ZRANB3: variants seen among roughly 807,000 people sequenced by gnomAD.
ZRANB3 encodes zinc finger RANBP2-type containing 3.
In ZRANB3, 125 loss-of-function variants were observed where a neutral mutation model predicts 133.8. The ratio of observed to expected loss-of-function variants is 0.93; its 90% CI spans 0.81 to 1.08. The LOEUF (loss-of-function observed/expected upper bound fraction) is 1.08, where lower values mean the gene tolerates loss of function less well. Ranked by LOEUF, ZRANB3 falls within the 50% of genes least tolerant of loss-of-function variation. The pLI is 0.00. For synonymous variants in ZRANB3, 387 were observed against 432.7 expected, an observed-to-expected ratio of 0.89 and a Z score of 1.31; for missense variants, 1,229 against 1,275.5, an observed-to-expected ratio of 0.96 and a Z score of 0.56.
rs760589246 is a variant in ZRANB3, at chr2:135,269,041, T to G, written c.1307A>C (p.Gln436Pro). The change falls in exon 11 of 21, where the codon CAG (glutamine) becomes CCG (proline). Residue 436 changes from glutamine to proline, a missense_variant. By Grantham distance (76) the Gln-to-Pro change is moderately conservative. Coordinates refer to ENST00000264159, the MANE Select transcript of ZRANB3 (RefSeq NM_032143.4). Reference protein sequence around the residue: ...QAEDRAHRIGQCSSVNIHYLI... With the variant: ...QAEDRAHRIGPCSSVNIHYLI... ...GTAGTGAATATTCACAGAACTGCACTGGCCAATTCTGTGAGCTCGGTCTTC... is the reference window on the plus strand; with the variant it reads ...GTAGTGAATATTCACAGAACTGCACGGGCCAATTCTGTGAGCTCGGTCTTC... The G allele has an allele frequency of 6.2e-7, 1 of 1,613,282 alleles. No homozygotes were observed. The highest frequency in any genetic ancestry group is 8.5e-7 in the Non-Finnish European group (1 of 1,179,668).
intron 2 of ZRANB3, among the ~76,000 whole-genome samples, chr2:135,407,959 C>T (rs1182830892): frequency 6.7e-6 from 1 of 149,622 alleles, no homozygotes; most frequent in Non-Finnish European, 1.5e-5. Flanking sequence ...GCAACAAAAG[C>T]CAAAATTGTC....
intron 2 of ZRANB3, among the ~76,000 whole-genome samples, chr2:135,500,267 T>C (rs1299540300): frequency 6.6e-6 from 1 of 152,160 alleles, no homozygotes; most frequent in Non-Finnish European, 1.5e-5. Flanking sequence ...GACCTAACAA[T>C]TCTTCTTGGT....
In ZRANB3 at chr2:135,420,091, T is replaced by TTATATATATATATATA. The variant is rs201217358; in HGVS notation, c.162-29287_162-29272dup. Among the ~76,000 whole-genome samples, 562 of 72,316 alleles carry TTATATATATATATATA rather than the reference T, an allele frequency of 7.8e-3. 10 individuals carry two copies. The highest frequency in any genetic ancestry group is 0.014 in the South Asian group (24 of 1,676). 47.4% of individuals were successfully genotyped at this position (72,316 alleles called of 152,430 possible). A position where few individuals can be genotyped will look rare whatever the true frequency, so the allele number is the denominator to read the frequency against. On this transcript the variant is annotated intron_variant, in intron 2 of 20. Coordinates refer to ENST00000264159, the MANE Select transcript of ZRANB3 (RefSeq NM_032143.4). ...TAAGATACATATATATATCTTAGAT[T>TTATATATATATATATA]TATATATATATATATATATATATAT...
chr2:135,489,764 CA>C (rs564471565), intron 2 of ZRANB3, among the ~76,000 whole-genome samples: 4 of 147,196 alleles, frequency 2.7e-5, no homozygotes, highest in Admixed American at 6.7e-5. Flanking sequence ...AGAATTTAAA[CA>C]AAAAAAAGGG....
intron 8 of ZRANB3, among the ~76,000 whole-genome samples, chr2:135,284,466 T>A (rs1681248007): frequency 6.6e-6 from 1 of 152,188 alleles, no homozygotes; most frequent in African/African-American, 2.4e-5. Context: ...TTTCCTTGTT[T>A]GTTTTGTTTG....
chr2:135,229,511 G>T (rs1260966197), intron 13 of ZRANB3, among the ~76,000 whole-genome samples: 1 of 151,614 alleles, frequency 6.6e-6, no homozygotes, highest in Non-Finnish European at 1.5e-5. Context: ...GGGACTACAG[G>T]CGCCCGCTAC....
chr2:135,211,046 AAAAAT>A (rs1427042121), intron 17 of ZRANB3, among the ~76,000 whole-genome samples: 5 of 152,158 alleles, frequency 3.3e-5, no homozygotes, highest in African/African-American at 7.2e-5. Flanking sequence ...AGAAAGAAAG[AAAAAT>A]AAAATAAGAA....
At chr2:135,211,635 C>T (rs1204103461) in intron 17 of ZRANB3, among the ~76,000 whole-genome samples, 2 of 152,148 alleles carry the variant, frequency 1.3e-5, no homozygotes, top group Non-Finnish European at 2.9e-5. Context: ...ATAGCATATA[C>T]ACTAATCTTC....
chr2:135,442,696 G>A (rs1426123786), intron 2 of ZRANB3, among the ~76,000 whole-genome samples: 1 of 152,132 alleles, frequency 6.6e-6, no homozygotes, highest in Non-Finnish European at 1.5e-5. Flanking sequence ...CTATTACTGG[G>A]TATATATCCA....
At chr2:135,436,983 G>A (rs1009936391) in intron 2 of ZRANB3, among the ~76,000 whole-genome samples, 13 of 152,016 alleles carry the variant, frequency 8.6e-5, no homozygotes, top group East Asian at 3.9e-4. Flanking sequence ...TTTTTGAGAC[G>A]GAGTCTCGCT....
rs1440939654 is a variant in ZRANB3 at position 135,460,074 on chromosome 2, C to T, written c.161+44255G>A. ...AAGGGTGTAAAGGTGGTGAATGGGG[C>T]AGGGGTAGGGGGTGTGGAAAGAGGG... On this transcript the variant is annotated intron_variant, in intron 2 of 20. Coordinates refer to ENST00000264159, the MANE Select transcript of ZRANB3 (RefSeq NM_032143.4). Among the ~76,000 whole-genome samples, 4 of 151,980 alleles carry T rather than the reference C, an allele frequency of 2.6e-5. No individual in the cohort carries two copies. In the East Asian group the frequency reaches 7.7e-4, roughly 29 times the overall value.
At chr2:135,433,311 T>C (rs1280544083) in intron 2 of ZRANB3, among the ~76,000 whole-genome samples, 1 of 152,030 alleles carries the variant, frequency 6.6e-6, no homozygotes, top group Non-Finnish European at 1.5e-5. Flanking sequence ...TGCTTGATCC[T>C]GGGAGGTTGA....
At chr2:135,480,483 G>A (rs1238100184) in intron 2 of ZRANB3, among the ~76,000 whole-genome samples, 1 of 152,046 alleles carries the variant, frequency 6.6e-6, no homozygotes, top group Admixed American at 6.6e-5. Context: ...AATTTTAGGA[G>A]AGAAAACAAA....
intron 5 of ZRANB3, among the ~76,000 whole-genome samples, chr2:135,345,910 C>T (rs753906691): frequency 6.6e-6 from 1 of 152,092 alleles, no homozygotes; most frequent in Non-Finnish European, 1.5e-5. Context: ...AATTTTGTCC[C>T]ATAAAACATG....
chr2:135,203,612 C>CAAAAAA (rs1051712787), intron 19 of ZRANB3, among the ~76,000 whole-genome samples: 1 of 62,044 alleles, frequency 1.6e-5, no homozygotes, highest in East Asian at 4.4e-4. Context: ...GACTCGGTCT[C>CAAAAAA]AAAAAAAAAA....
chr2:135,390,803 T>C lies in ZRANB3; in HGVS notation c.179A>G (p.Glu60Gly). The C allele has an allele frequency of 1.3e-6, 2 of 1,536,810 alleles. No homozygotes were observed. The highest frequency in any genetic ancestry group is 1.2e-5 in the South Asian group (1 of 81,070). Reference protein sequence around the residue: ...KRNGRCMVADEMGLGKTIQAI... With the variant: ...KRNGRCMVADGMGLGKTIQAI... ...CATAAAAACCATTGAAACACTTACT[T>C]CATCAGCCACCATACACCTGGAAAA... Residue 60 changes from glutamate to glycine, a missense_variant and splice_region_variant, in exon 3 of 21, where the codon GAA (glutamate) becomes GGA (glycine). Glu to Gly is a moderately conservative substitution (Grantham distance 98, BLOSUM62 -2). Transcript: ENST00000264159.
At chr2:135,200,462 T>A (rs1253363584) in intron 20 of ZRANB3, 22 bp from the exon 21 acceptor site, 11 of 1,555,400 alleles carry the variant, frequency 7.1e-6, no homozygotes, top group East Asian at 2.3e-5. Context: ...AAAATATGCA[T>A]GTGTACACGT....
intron 1 of ZRANB3, among the ~76,000 whole-genome samples, chr2:135,510,217 C>T (rs535485200): frequency 2.6e-5 from 4 of 152,246 alleles, no homozygotes; most frequent in Admixed American, 1.3e-4. Context: ...AGACACATTC[C>T]TTTGGGGAAA....
intron 2 of ZRANB3, among the ~76,000 whole-genome samples, chr2:135,411,645 T>C (rs1385533594): frequency 1.3e-5 from 2 of 152,158 alleles, no homozygotes; most frequent in African/African-American, 4.8e-5. Flanking sequence ...ATTATCCTAA[T>C]AGTTACTGAA....
Sources: allele counts gnomAD v4.1 joint callset (sites outside exome capture counted in the v4.1 genomes callset), GRCh38; gene constraint gnomAD v4.1.1; transcripts MANE v1.5; gene names NCBI Gene and HGNC (gene_info 2026-07-23, HGNC 2026-07-21).